RELN: variants seen among roughly 807,000 people sequenced by gnomAD.
The protein encoded by RELN is reelin.
RELN carries 108 observed loss-of-function variants against 427.6 expected under a neutral mutation model. The ratio of observed to expected loss-of-function variants is 0.25; its 90% CI spans 0.22 to 0.30. The LOEUF is 0.30. Ranked by LOEUF, RELN falls within the 10% of genes least tolerant of loss-of-function variation. The pLI is 1.00. For synonymous variants in RELN, 1,524 were observed against 1,513.4 expected (o/e 1.01, Z -0.16); for missense variants, 3,715 against 4,302.8 (o/e 0.86, Z 3.82).
In RELN at chr7:103,545,119, A is replaced by T; in HGVS notation, c.6523+5T>A. The T allele has an allele frequency of 1.2e-6, 2 of 1,610,976 alleles. No homozygotes were observed. The highest frequency in any genetic ancestry group is 1.1e-5 in the South Asian group (1 of 90,992). Reference sequence around the variant, plus strand: ...GACTACATAGAATTTGTAAGAAAAGACTACCTTCGAAATCATCTTTGAGAA... The same window carrying T: ...GACTACATAGAATTTGTAAGAAAAGTCTACCTTCGAAATCATCTTTGAGAA... On this transcript the variant is annotated splice_donor_5th_base_variant and intron_variant, in intron 42 of 64. Transcript: ENST00000428762.
chr7:103,660,190 GA>G (rs1833108621), intron 12 of RELN, among the ~76,000 whole-genome samples: 1 of 151,988 alleles, frequency 6.6e-6, no homozygotes, highest in African/African-American at 2.4e-5. Flanking sequence ...GGGGAAAAGG[GA>G]AAAAACTTAA....
chr7:103,767,945 A>G (rs1791465306), intron 4 of RELN, among the ~76,000 whole-genome samples: 1 of 151,846 alleles, frequency 6.6e-6, no homozygotes, highest in African/African-American at 2.4e-5. Context: ...TTAGTGGTCT[A>G]TTTCCCCCTA....
intron 3 of RELN, among the ~76,000 whole-genome samples, chr7:103,821,061 T>TCTCTGTAGA (rs1176308738): frequency 1.3e-5 from 2 of 152,210 alleles, no homozygotes; most frequent in African/African-American, 4.8e-5. Context: ...TAGAAGGTTT[T>TCTCTGTAGA]GCTGTTTCAC....
intron 2 of RELN, among the ~76,000 whole-genome samples, chr7:103,903,876 G>A (rs577050647): frequency 2.0e-5 from 3 of 151,452 alleles, no homozygotes; most frequent in Non-Finnish European, 4.4e-5. Flanking sequence ...CGGGATACAT[G>A]TGCAGAATGT....
At chr7:103,490,910 C>T (rs1021665621) in intron 58 of RELN, 81 bp from the exon 59 acceptor site, 31 of 1,405,658 alleles carry the variant, frequency 2.2e-5, no homozygotes, top group South Asian at 2.4e-5. Flanking sequence ...GCTTTGTGAT[C>T]GGGTTAAATT....
At chr7:103,549,684 A>G (rs1284396454) in intron 41 of RELN, among the ~76,000 whole-genome samples, 2 of 152,232 alleles carry the variant, frequency 1.3e-5, no homozygotes, top group Non-Finnish European at 2.9e-5. Flanking sequence ...TGTGAACACA[A>G]TAAAAACAAG....
At chr7:103,735,058 T>C (rs750906854) in intron 6 of RELN, among the ~76,000 whole-genome samples, 8 of 152,060 alleles carry the variant, frequency 5.3e-5, no homozygotes, top group Admixed American at 1.3e-4. Flanking sequence ...ATGTACACCA[T>C]CTCTTTTTTT....
chr7:103,984,085 C>G (rs193083951), intron 1 of RELN, among the ~76,000 whole-genome samples: 139 of 151,516 alleles, frequency 9.2e-4, no homozygotes, highest in African/African-American at 3.3e-3. Flanking sequence ...TAATATGCAA[C>G]CAATCTTAAA....
At chr7:103,770,925 T>A (rs1038283076) in intron 4 of RELN, among the ~76,000 whole-genome samples, 2 of 149,950 alleles carry the variant, frequency 1.3e-5, no homozygotes, top group Non-Finnish European at 3.0e-5. Context: ...TTTTTTTTTT[T>A]TTTTTTTGAG....
Position 103,495,956 on chromosome 7 carries a change from C to G in RELN, c.9194-58G>C, listed in dbSNP as rs547152463. ...TTATTCTCTTGAGGAAAATTGGAAG[C>G]AATATGGCATATTATTCTCTTGAAC... is the stretch of plus-strand genomic sequence containing the variant. On this transcript the variant is annotated intron_variant, in intron 56 of 64. Coordinates refer to ENST00000428762, the MANE Select transcript of RELN (RefSeq NM_005045.4). 93 of 1,564,988 alleles carry G rather than the reference C, an allele frequency of 5.9e-5. No homozygotes were observed. The African/African-American group carries it at 1.0e-3, about 17-fold the overall frequency.
chr7:103,612,439 C>A (rs1034356501), intron 20 of RELN, among the ~76,000 whole-genome samples: 2 of 151,936 alleles, frequency 1.3e-5, no homozygotes, highest in Non-Finnish European at 1.5e-5. Flanking sequence ...CCATGCCCGG[C>A]TAATTTTGTA....
intron 1 of RELN, among the ~76,000 whole-genome samples, chr7:103,958,668 T>C (rs1796485199): frequency 6.6e-6 from 1 of 152,172 alleles, no homozygotes; most frequent in Non-Finnish European, 1.5e-5. Flanking sequence ...AAACAGTACC[T>C]GTCATCAGCC....
intron 11 of RELN, among the ~76,000 whole-genome samples, chr7:103,663,752 G>A (rs1833196075): frequency 6.6e-6 from 1 of 152,148 alleles, no homozygotes. Flanking sequence ...TGCCTGTCTA[G>A]ATCCAAGCCC....
chr7:103,747,859 T>C (rs139332382), intron 6 of RELN, among the ~76,000 whole-genome samples: 183 of 151,642 alleles, frequency 1.2e-3, no homozygotes, highest in African/African-American at 3.9e-3. Context: ...ATAAAATCCA[T>C]AACTTTGGTC....
At chr7:103,650,452 T>G in intron 15 of RELN, 69 bp from the exon 16 acceptor site, 1 of 990,142 alleles carries the variant, frequency 1.0e-6, no homozygotes, top group Non-Finnish European at 1.6e-6. Context: ...TTTTACATGG[T>G]TTTCATGTTC....
At chr7:103,773,148 CTTTCTTTCTTTCTTTCTT>C (rs1563004338) in intron 4 of RELN, among the ~76,000 whole-genome samples, 1 of 95,052 alleles carries the variant, frequency 1.1e-5, no homozygotes, top group Non-Finnish European at 2.4e-5. Flanking sequence ...TTCTTTCTTT[CTTTCTTTCTTTCTTTCTT>C]TTTCTTTCTT....
At chr7:103,782,817 T>C (rs1791925090) in intron 3 of RELN, among the ~76,000 whole-genome samples, 1 of 152,188 alleles carries the variant, frequency 6.6e-6, no homozygotes, top group African/African-American at 2.4e-5. Context: ...ACCTAAAGAA[T>C]CATACCAGCT....
intron 59 of RELN, 76 bp from the exon 60 acceptor site, chr7:103,489,975 G>A (rs1828593435): frequency 1.3e-6 from 2 of 1,557,690 alleles, no homozygotes; most frequent in South Asian, 2.3e-5. Context: ...CCAGCCTCTG[G>A]GAGAGGGGAC....
At chr7:103,905,386 A>G (rs1275552363) in intron 2 of RELN, among the ~76,000 whole-genome samples, 2 of 152,170 alleles carry the variant, frequency 1.3e-5, no homozygotes, top group Non-Finnish European at 2.9e-5. Flanking sequence ...CAGGATGATC[A>G]ATTTCCCCAG....
Sources: gnomAD v4.1 joint callset for allele counts (sites outside exome capture counted in the v4.1 genomes callset) on GRCh38, gnomAD v4.1.1 for gene constraint, MANE v1.5 for transcripts, NCBI Gene and HGNC (gene_info 2026-07-23, HGNC 2026-07-21) for gene names.